The following SUPT3H variants were observed in gnomAD, a reference collection of about 807,000 sequenced individuals.
SUPT3H encodes the protein SPT3 homolog, SAGA and STAGA complex component.
In SUPT3H, 44 loss-of-function variants were observed where a neutral mutation model predicts 44.3. That is an observed-to-expected ratio of 0.99 (90% confidence interval 0.78 to 1.28). SUPT3H has a LOEUF of 1.28. Among genes scored for constraint, SUPT3H ranks in the 50% most tolerant of loss-of-function variants. The probability of loss-of-function intolerance (pLI) is 0.00; values close to 1 mark genes in which losing one functional copy is unlikely to be tolerated. For synonymous variants in SUPT3H, 124 were observed against 125.6 expected (o/e 0.99, Z 0.09); for missense variants, 380 against 387.1 (o/e 0.98, Z 0.15).
At chr6:44,887,668 A>C (rs995614467) in intron 10 of SUPT3H, among the ~76,000 whole-genome samples, 1 of 151,786 alleles carries the variant, frequency 6.6e-6, no homozygotes, top group Admixed American at 6.6e-5. Flanking sequence ...AGAAAGCAGG[A>C]AAGATCCAAA....
chr6:45,356,420 C>CA (rs1486232059), intron 2 of SUPT3H, among the ~76,000 whole-genome samples: 1 of 151,376 alleles, frequency 6.6e-6, no homozygotes, highest in Admixed American at 6.6e-5. Flanking sequence ...TTTTTTGAGA[C>CA]AGAGTCTCAC....
chr6:45,004,530 A>AT (rs1397504916), intron 5 of SUPT3H, among the ~76,000 whole-genome samples: 1 of 151,892 alleles, frequency 6.6e-6, no homozygotes, highest in Admixed American at 6.6e-5. Context: ...TTTCTTTTAA[A>AT]TTTTTAAATC....
At chr6:45,349,898 T>C (rs1412887750) in intron 2 of SUPT3H, among the ~76,000 whole-genome samples, 3 of 152,216 alleles carry the variant, frequency 2.0e-5, no homozygotes, top group Non-Finnish European at 4.4e-5. Context: ...AATAAAAAGA[T>C]CTTTGCTTCA....
At chr6:44,853,812 A>T (rs1173687374) in intron 10 of SUPT3H, among the ~76,000 whole-genome samples, 1 of 152,090 alleles carries the variant, frequency 6.6e-6, no homozygotes. Context: ...TTGCTTTATT[A>T]TGCTGGTAAG....
intron 3 of SUPT3H, among the ~76,000 whole-genome samples, chr6:45,067,693 C>T (rs1356048083): frequency 6.7e-6 from 1 of 149,914 alleles, no homozygotes; most frequent in African/African-American, 2.5e-5. Context: ...ATTTATGCAG[C>T]CAAGAAACAC....
intron 2 of SUPT3H, among the ~76,000 whole-genome samples, chr6:45,155,054 A>C (rs896073885): frequency 6.6e-6 from 1 of 152,206 alleles, no homozygotes; most frequent in East Asian, 1.9e-4. Context: ...ATGGCACAAC[A>C]AAATTAGTGT....
rs115660122 is a variant in SUPT3H, at chr6:44,927,681, C to T, written c.912+4972G>A. ...TTATGATGATCAGTGATTAAAAAAACAATTATATTCTTTAGCCGTTATTAA... is the reference window on the plus strand; with the variant it reads ...TTATGATGATCAGTGATTAAAAAAATAATTATATTCTTTAGCCGTTATTAA... On this transcript the variant is annotated intron_variant, in intron 10 of 10. Coordinates refer to ENST00000371459, the MANE Select transcript of SUPT3H (RefSeq NM_003599.4). Among the ~76,000 whole-genome samples, 853 of 152,148 alleles carry T rather than the reference C, an allele frequency of 5.6e-3. 6 individuals carry two copies. The highest frequency in any genetic ancestry group is 7.6e-3 in the Non-Finnish European group (519 of 67,990).
At chr6:44,984,217 G>A (rs570581041) in intron 6 of SUPT3H, among the ~76,000 whole-genome samples, 26 of 152,164 alleles carry the variant, frequency 1.7e-4, no homozygotes, top group Middle Eastern at 3.4e-3. Context: ...ATCAAACAGA[G>A]GCCATTTCCT....
chr6:45,043,718 G>A (rs969668068), intron 3 of SUPT3H, among the ~76,000 whole-genome samples: 1 of 152,018 alleles, frequency 6.6e-6, no homozygotes, highest in Admixed American at 6.6e-5. Flanking sequence ...AAAAAGGAAA[G>A]AAATTCACAA....
chr6:44,837,481 G>A (rs370085454), intron 10 of SUPT3H, among the ~76,000 whole-genome samples: 68 of 152,222 alleles, frequency 4.5e-4, no homozygotes, highest in African/African-American at 1.6e-3. Flanking sequence ...TAAAAAGTGG[G>A]CTTAGACCAC....
At chr6:44,968,173 G>A (rs1346467846) in intron 6 of SUPT3H, among the ~76,000 whole-genome samples, 1 of 152,036 alleles carries the variant, frequency 6.6e-6, no homozygotes. Context: ...CATGGAAAAG[G>A]CAAAATGCCT....
intron 5 of SUPT3H, among the ~76,000 whole-genome samples, chr6:45,007,675 G>A (rs957098137): frequency 6.7e-6 from 1 of 150,004 alleles, no homozygotes; most frequent in Non-Finnish European, 1.5e-5. Context: ...CAGATATTAC[G>A]TTCTGTCTTA....
At chr6:45,282,532 GA>G (rs958138212) in intron 2 of SUPT3H, among the ~76,000 whole-genome samples, 2 of 151,838 alleles carry the variant, frequency 1.3e-5, no homozygotes, top group South Asian at 4.1e-4. Flanking sequence ...GAGAAGTTTC[GA>G]AAAAAAGAAT....
chr6:45,130,423 C>A (rs1473998796), intron 2 of SUPT3H, among the ~76,000 whole-genome samples: 3 of 151,918 alleles, frequency 2.0e-5, no homozygotes, highest in Non-Finnish European at 2.9e-5. Context: ...TAATAAAATT[C>A]AGCTGATGGA....
At chr6:44,930,066 G>A (rs1770304538) in intron 10 of SUPT3H, among the ~76,000 whole-genome samples, 1 of 151,914 alleles carries the variant, frequency 6.6e-6, no homozygotes, top group African/African-American at 2.4e-5. Flanking sequence ...TGGCCAACAT[G>A]GCGAAGTTCT....
intron 10 of SUPT3H, among the ~76,000 whole-genome samples, chr6:44,831,334 T>G (rs1012041859): frequency 1.4e-5 from 2 of 145,924 alleles, no homozygotes; most frequent in Admixed American, 7.3e-5. Flanking sequence ...ACTTCTGGAT[T>G]GAAGAAAACA....
intron 3 of SUPT3H, among the ~76,000 whole-genome samples, chr6:45,021,215 G>C (rs1430036499): frequency 6.6e-6 from 1 of 151,828 alleles, no homozygotes; most frequent in African/African-American, 2.4e-5. Context: ...CACACAAAAA[G>C]TTAACTGTAT....
At chr6:45,014,098 G>A (rs982062794) in intron 5 of SUPT3H, among the ~76,000 whole-genome samples, 3 of 151,824 alleles carry the variant, frequency 2.0e-5, no homozygotes, top group African/African-American at 4.8e-5. Context: ...GAAGTCCCAC[G>A]TCAAGATTAG....
chr6:44,831,893 A>AAAG (rs1316868276), intron 10 of SUPT3H, among the ~76,000 whole-genome samples: 1 of 152,120 alleles, frequency 6.6e-6, no homozygotes, highest in African/African-American at 2.4e-5. Context: ...TTTGCAAACA[A>AAAG]AAGATTTTTT....
Sources: gnomAD v4.1 joint callset for allele counts (sites outside exome capture counted in the v4.1 genomes callset) on GRCh38, gnomAD v4.1.1 for gene constraint, MANE v1.5 for transcripts, NCBI Gene and HGNC (gene_info 2026-07-23, HGNC 2026-07-21) for gene names.